Variants in PPP1R9A observed in about 807,000 individuals in gnomAD.
PPP1R9A encodes the protein neurabin-1.
In PPP1R9A, 59 loss-of-function variants were observed where a neutral mutation model predicts 141.9. The ratio of observed to expected loss-of-function variants is 0.42; its 90% CI spans 0.34 to 0.52. The LOEUF (loss-of-function observed/expected upper bound fraction) is 0.52, where lower values mean the gene tolerates loss of function less well. PPP1R9A is among the 20% of genes least tolerant of loss of function. The probability of loss-of-function intolerance (pLI) is 0.10; values close to 1 mark genes in which losing one functional copy is unlikely to be tolerated. For missense variants in PPP1R9A, 1,444 were observed against 1,611.9 expected (o/e 0.90, Z 1.78); for synonymous variants, 500 against 569.7 (o/e 0.88, Z 1.74).
intron 5 of PPP1R9A, among the ~76,000 whole-genome samples, chr7:95,175,512 AC>A (rs1300124433): frequency 1.3e-5 from 2 of 151,738 alleles, no homozygotes; most frequent in African/African-American, 4.8e-5. Flanking sequence ...AAAAAAAAAA[AC>A]TTAAAAGACA....
intron 4 of PPP1R9A, among the ~76,000 whole-genome samples, chr7:95,160,633 G>A (rs1211191554): frequency 6.6e-6 from 1 of 151,926 alleles, no homozygotes; most frequent in Admixed American, 6.6e-5. Context: ...TAGGTACCAG[G>A]CATAGTACCC....
intron 2 of PPP1R9A, among the ~76,000 whole-genome samples, chr7:94,942,465 A>T (rs995361589): frequency 1.3e-5 from 2 of 152,192 alleles, no homozygotes; most frequent in African/African-American, 4.8e-5. Flanking sequence ...ATAAAGGTTT[A>T]TTGAATACAG....
At chr7:95,001,395 A>G (rs1584213089) in intron 2 of PPP1R9A, among the ~76,000 whole-genome samples, 1 of 152,208 alleles carries the variant, frequency 6.6e-6, no homozygotes, top group East Asian at 1.9e-4. Context: ...CATAACCATG[A>G]TGGTGATAAG....
chr7:95,156,905 C>T (rs1311840388), intron 4 of PPP1R9A: 1 of 152,592 alleles, frequency 6.6e-6, no homozygotes, highest in East Asian at 1.9e-4. Context: ...TGCAGCTGGT[C>T]ATCCATCATC....
intron 5 of PPP1R9A, among the ~76,000 whole-genome samples, chr7:95,162,872 C>G (rs2152716845): frequency 6.6e-6 from 1 of 152,268 alleles, no homozygotes; most frequent in East Asian, 1.9e-4. Flanking sequence ...AAATCATCTT[C>G]TAATGCTAAA....
intron 3 of PPP1R9A, among the ~76,000 whole-genome samples, chr7:95,114,641 AT>A (rs574000132): frequency 2.1e-3 from 321 of 152,290 alleles, no homozygotes; most frequent in Non-Finnish European, 3.1e-3. Flanking sequence ...ATTTCAATAT[AT>A]TTCTTTCAGA....
At chr7:95,061,581 C>G (rs60134043) in intron 2 of PPP1R9A, among the ~76,000 whole-genome samples, 3,709 of 152,088 alleles carry the variant, frequency 0.024, 165 homozygotes, top group African/African-American at 0.085. Flanking sequence ...ACAAAAAATA[C>G]AGAAACTAGT....
intron 2 of PPP1R9A, among the ~76,000 whole-genome samples, chr7:94,959,404 T>G (rs1333785618): frequency 6.6e-6 from 1 of 151,774 alleles, no homozygotes; most frequent in Non-Finnish European, 1.5e-5. Context: ...CTTTGGCTTC[T>G]AAGTTCTGTT....
chr7:94,953,910 G>A (rs1025095691), intron 2 of PPP1R9A, among the ~76,000 whole-genome samples: 5 of 152,122 alleles, frequency 3.3e-5, no homozygotes, highest in African/African-American at 1.2e-4. Context: ...TGCAAACAGA[G>A]ACAATTTGAC....
At chr7:95,230,092 A>G (rs1218513680) in intron 8 of PPP1R9A, among the ~76,000 whole-genome samples, 13 of 152,108 alleles carry the variant, frequency 8.5e-5, no homozygotes, top group Non-Finnish European at 1.5e-5. Context: ...CTCTCAGGAA[A>G]CCCCATTCCT....
chr7:94,924,491 T>C (rs1391195165), intron 2 of PPP1R9A, among the ~76,000 whole-genome samples: 2 of 152,172 alleles, frequency 1.3e-5, no homozygotes, highest in Non-Finnish European at 2.9e-5. Context: ...TACAATTCTT[T>C]ATTTATTTAG....
At chr7:95,287,708 G>A (rs1198350205) in intron 18 of PPP1R9A, among the ~76,000 whole-genome samples, 2 of 151,974 alleles carry the variant, frequency 1.3e-5, no homozygotes, top group African/African-American at 4.8e-5. Context: ...TGTTTTTTAA[G>A]ACAGTCTCAC....
chr7:95,170,672 A>G (rs1831969852), intron 5 of PPP1R9A, among the ~76,000 whole-genome samples: 1 of 151,534 alleles, frequency 6.6e-6, no homozygotes, highest in African/African-American at 2.4e-5. Context: ...CCTTCTATAC[A>G]GAAGCTAAAA....
intron 2 of PPP1R9A, among the ~76,000 whole-genome samples, chr7:95,106,510 A>T (rs988839088): frequency 1.3e-5 from 2 of 152,144 alleles, no homozygotes; most frequent in East Asian, 3.9e-4. Flanking sequence ...CATCTCTTCA[A>T]TCACTGCATT....
chr7:95,287,386 CAT>C (rs1398141667), intron 18 of PPP1R9A, among the ~76,000 whole-genome samples: 1 of 152,144 alleles, frequency 6.6e-6, no homozygotes, highest in East Asian at 1.9e-4. Flanking sequence ...ATTACATTGA[CAT>C]GGTCCATTCT....
chr7:95,266,761 A>G (rs1205573872), intron 12 of PPP1R9A, among the ~76,000 whole-genome samples: 1 of 152,164 alleles, frequency 6.6e-6, no homozygotes, highest in Non-Finnish European at 1.5e-5. Flanking sequence ...TACTACATAC[A>G]GTGTTTCTAA....
In PPP1R9A at chr7:94,916,542, G is replaced by T. The variant is rs142376126; in HGVS notation, c.1395+5034G>T. Among the ~76,000 whole-genome samples the T allele has an allele frequency of 5.3e-5, 8 of 152,276 alleles. No individual in the cohort carries two copies. The East Asian group carries it at 1.5e-3, about 29-fold the overall frequency. ...ATGAAATAAGGTATAATCTTGTAAA[G>T]TGCATGAATACTCTGTTTCTGGATC... is the stretch of plus-strand genomic sequence containing the variant. On this transcript the variant is annotated intron_variant, in intron 2 of 19. Coordinates refer to ENST00000433360, the MANE Select transcript of PPP1R9A (RefSeq NM_001166160.2).
chr7:94,939,126 G>T (rs1490727251), intron 2 of PPP1R9A, among the ~76,000 whole-genome samples: 2 of 152,108 alleles, frequency 1.3e-5, no homozygotes, highest in Non-Finnish European at 2.9e-5. Context: ...AGAAGATCTG[G>T]GTTTGAGACT....
intron 8 of PPP1R9A, among the ~76,000 whole-genome samples, chr7:95,232,380 AT>A (rs1186018100): frequency 6.6e-6 from 1 of 152,212 alleles, no homozygotes; most frequent in Non-Finnish European, 1.5e-5. Context: ...TTCAAGATGG[AT>A]TAAAGACTTA....
Sources: gnomAD v4.1 joint callset for allele counts (sites outside exome capture counted in the v4.1 genomes callset) on GRCh38, gnomAD v4.1.1 for gene constraint, MANE v1.5 for transcripts, NCBI Gene and HGNC (gene_info 2026-07-23, HGNC 2026-07-21) for gene names.